The following CHD9 variants were observed in gnomAD, a reference collection of about 807,000 sequenced individuals.
The protein encoded by CHD9 is chromodomain helicase DNA binding protein 9, also known as ATP-dependent chromatin remodeler CHD9.
In CHD9, 77 loss-of-function variants were observed where a neutral mutation model predicts 316.1. That is an observed-to-expected ratio of 0.24 (90% CI 0.20 to 0.29). The LOEUF is 0.29. Ranked by LOEUF, CHD9 falls within the 10% of genes least tolerant of loss-of-function variation. The pLI is 1.00. For missense variants in CHD9, 2,763 were observed against 3,438.1 expected (o/e 0.80, Z 4.91); for synonymous variants, 1,129 against 1,158.3 (o/e 0.97, Z 0.51).
At chr16:53,145,827 C>A (rs2040528976) in intron 1 of CHD9, among the ~76,000 whole-genome samples, 1 of 151,950 alleles carries the variant, frequency 6.6e-6, no homozygotes, top group South Asian at 2.1e-4. Context: ...GCTTCATCTT[C>A]ATGAAAAAAC....
intron 2 of CHD9, among the ~76,000 whole-genome samples, chr16:53,177,348 A>T (rs1312554222): frequency 6.6e-6 from 1 of 152,230 alleles, no homozygotes; most frequent in East Asian, 1.9e-4. Context: ...TGAGAAAAGT[A>T]GGTATTAGGA....
intron 12 of CHD9, among the ~76,000 whole-genome samples, chr16:53,240,113 A>G (rs922155634): frequency 2.0e-5 from 3 of 151,914 alleles, no homozygotes; most frequent in Admixed American, 6.6e-5. Flanking sequence ...TAGGGTCTCA[A>G]TTTGTTGCCC....
chr16:53,148,388 C>T (rs1018301035), intron 1 of CHD9, among the ~76,000 whole-genome samples: 3 of 152,188 alleles, frequency 2.0e-5, no homozygotes, highest in African/African-American at 7.2e-5. Context: ...ACTACAGGCA[C>T]ACGTACCCGT....
At chr16:53,318,169 CAGTT>C (rs1451725001) in intron 36 of CHD9, 39 bp from the exon 37 acceptor site, 5 of 1,510,316 alleles carry the variant, frequency 3.3e-6, no homozygotes, top group Non-Finnish European at 4.5e-6. Context: ...TTGTTTTGCA[CAGTT>C]AAAGACTTTA....
chr16:53,195,274 C>T (rs895685782), intron 2 of CHD9, among the ~76,000 whole-genome samples: 8 of 152,192 alleles, frequency 5.3e-5, no homozygotes, highest in African/African-American at 1.9e-4. Context: ...TTTATAACCT[C>T]ATAGGTTAGT....
At chr16:53,108,084 TGTG>T (rs2037512538) in intron 1 of CHD9, among the ~76,000 whole-genome samples, 4 of 152,214 alleles carry the variant, frequency 2.6e-5, no homozygotes, top group Non-Finnish European at 4.4e-5. Context: ...AAACTTTCCT[TGTG>T]GTATAATTTG....
chr16:53,133,158 CTG>C (rs1356853014), intron 1 of CHD9, among the ~76,000 whole-genome samples: 2 of 152,058 alleles, frequency 1.3e-5, no homozygotes, highest in South Asian at 2.1e-4. Flanking sequence ...TTAAGGGTAA[CTG>C]TCATTCCTGA....
chr16:53,172,112 G>A (rs1197545861), intron 2 of CHD9, among the ~76,000 whole-genome samples: 1 of 152,000 alleles, frequency 6.6e-6, no homozygotes, highest in Non-Finnish European at 1.5e-5. Context: ...ATATACCAGT[G>A]AAATTAATAT....
intron 1 of CHD9, among the ~76,000 whole-genome samples, chr16:53,104,999 A>C (rs56048416): frequency 0.28 from 41,912 of 151,300 alleles, 7,204 homozygotes; most frequent in Non-Finnish European, 0.38. Context: ...AAAAAAACAA[A>C]AAAACAAAAA....
At chr16:53,262,588 A>G (rs1310168373) in intron 19 of CHD9, among the ~76,000 whole-genome samples, 1 of 152,158 alleles carries the variant, frequency 6.6e-6, no homozygotes, top group Non-Finnish European at 1.5e-5. Context: ...TGTGATGAAA[A>G]TAAACTAGAA....
At chr16:53,230,794 CAG>C (rs1301192849) in intron 8 of CHD9, among the ~76,000 whole-genome samples, 3 of 151,970 alleles carry the variant, frequency 2.0e-5, no homozygotes, top group Admixed American at 6.5e-5. Context: ...GAACCAATCT[CAG>C]AGTTAAAATA....
rs1423299050 is a variant in CHD9, at chr16:53,156,111, T to G, written c.22T>G (p.Phe8Val). The G allele has an allele frequency of 6.2e-7, 1 of 1,612,848 alleles. No homozygotes were observed. The highest frequency in any genetic ancestry group is 2.2e-5 in the East Asian group (1 of 44,874). The change falls in exon 2 of 39, where the codon TTT (phenylalanine) becomes GTT (valine). Residue 8 changes from phenylalanine to valine, a missense_variant. Transcript: ENST00000447540. MTDPMMD[F>V]FDDANLFGET... is the part of the protein sequence containing the mutation. Reference sequence around the variant, plus strand: ...CAAGATGACAGATCCAATGATGGACTTTTTTGATGATGCCAATCTTTTTGG... The same window carrying G: ...CAAGATGACAGATCCAATGATGGACGTTTTTGATGATGCCAATCTTTTTGG...
intron 3 of CHD9, among the ~76,000 whole-genome samples, chr16:53,221,561 G>T (rs2047234851): frequency 6.6e-6 from 1 of 152,070 alleles, no homozygotes. Context: ...ATAAGGAAAT[G>T]TGAGAGTTAT....
In CHD9 at chr16:53,274,291, A is replaced by T. The variant is rs2052574689; in HGVS notation, c.4956A>T (p.Gly1652=). The change falls in exon 24 of 39, where the codon GGA becomes GGT. Residue 1652 remains glycine, a synonymous_variant. Transcript: ENST00000447540. Reference sequence around the variant, plus strand: ...ATGAGTGTCAGAAAGTATTTGATGGAGTTGATGCAAGGTAAGTTAAACAAT... The same window carrying T: ...ATGAGTGTCAGAAAGTATTTGATGGTGTTGATGCAAGGTAAGTTAAACAAT... ...IGNECQKVFD[G]VDASDIDVWV... is the part of the protein sequence containing the mutation. The T allele has an allele frequency of 6.3e-7, 1 of 1,576,926 alleles. No individual in the cohort carries two copies. The highest frequency in any genetic ancestry group is 8.6e-7 in the Non-Finnish European group (1 of 1,160,044).
rs549003658 is a variant in CHD9, at chr16:53,322,925, T to G, written c.7819-1095T>G. On this transcript the variant is annotated intron_variant, in intron 38 of 38. Transcript: ENST00000447540. The stretch of plus-strand genomic sequence containing the variant: ...AGATGATGGATGATTTTTTTAATAT[T>G]TTTTGTTGTGTTTTCTGCTATGAGC... Among the ~76,000 whole-genome samples the G allele has an allele frequency of 1.2e-4, 19 of 152,310 alleles. No individual in the cohort carries two copies. The South Asian group carries it at 3.7e-3, about 30-fold the overall frequency.
chr16:53,222,929 T>C (rs2047365119), intron 4 of CHD9, among the ~76,000 whole-genome samples, 174 bp downstream of exon 4: 1 of 152,200 alleles, frequency 6.6e-6, no homozygotes, highest in Non-Finnish European at 1.5e-5. Context: ...CATAGAATAT[T>C]AGATGTGGGA....
chr16:53,231,635 A>AT lies in CHD9; in HGVS notation c.2374-5dup. On this transcript the variant is annotated splice_polypyrimidine_tract_variant and intron_variant, in intron 9 of 38. Coordinates refer to ENST00000447540, the MANE Select transcript of CHD9 (RefSeq NM_001308319.2). Reference sequence around the variant, plus strand: ...CTTTTTCAAAATGGTAAATGAAAAAATTTTTTTACAGCCTGTTATTTACTA... The same window carrying AT: ...CTTTTTCAAAATGGTAAATGAAAAAATTTTTTTTACAGCCTGTTATTTACTA... 1 of 1,553,034 alleles carries AT rather than the reference A, an allele frequency of 6.4e-7. No homozygotes were observed. The highest frequency in any genetic ancestry group is 8.7e-7 in the Non-Finnish European group (1 of 1,147,922).
intron 1 of CHD9, among the ~76,000 whole-genome samples, chr16:53,151,810 T>C (rs2041141726): frequency 6.6e-6 from 1 of 152,222 alleles, no homozygotes; most frequent in Non-Finnish European, 1.5e-5. Context: ...TTTACTTTCA[T>C]TCTTGGGCCA....
At chr16:53,282,039 T>A (rs2153034777) in intron 24 of CHD9, among the ~76,000 whole-genome samples, 1 of 152,318 alleles carries the variant, frequency 6.6e-6, no homozygotes, top group Middle Eastern at 3.4e-3. Flanking sequence ...TAAATATTTG[T>A]CAACTAATTG....
Sources: gnomAD v4.1 joint callset for allele counts (sites outside exome capture counted in the v4.1 genomes callset) on GRCh38, gnomAD v4.1.1 for gene constraint, MANE v1.5 for transcripts, NCBI Gene and HGNC (gene_info 2026-07-23, HGNC 2026-07-21) for gene names.